The following SEMA4B variants were observed in gnomAD, a reference collection of about 807,000 sequenced individuals.
SEMA4B encodes semaphorin-4B.
A neutral mutation model predicts 88.1 loss-of-function variants in SEMA4B; 55 were observed. The ratio of observed to expected loss-of-function variants is 0.62; its 90% confidence interval spans 0.50 to 0.78. The LOEUF is 0.78. Ranked by LOEUF, SEMA4B falls within the 30% of genes least tolerant of loss-of-function variation. The pLI, the probability that SEMA4B is intolerant of heterozygous loss-of-function variation, is 0.00. For missense variants in SEMA4B, 1,062 were observed against 1,111.9 expected (o/e 0.96, Z 0.64); for synonymous variants, 525 against 473.6 (o/e 1.11, Z -1.41).
rs1555424058 is a variant in SEMA4B at position 90,225,315 on chromosome 15, GC to G, written c.1444del (p.Arg482GlyfsTer37). On this transcript the variant is annotated frameshift_variant, in exon 11 of 14. Transcript: ENST00000411539. LOFTEE classifies it high-confidence loss of function. ...CGGCTCCACAAGGCAGTGAGCGTGG[GC>G]CCCCGGGTGCACATCATTGAGGAGC... ...DGRLHKAVSV[G>X]PRVHIIEELQ... The G allele has an allele frequency of 3.8e-6, 6 of 1,558,784 alleles. No homozygotes were observed. The highest frequency in any genetic ancestry group is 2.4e-5 in the South Asian group (2 of 84,638).
rs78033954 is a variant in SEMA4B at position 90,220,222 on chromosome 15, C to G, written c.483+331C>G. ...TTCTCTTGTCTTATCTTGTACACCC[C>G]CTCCTCAGCACACACCCCTAGCAGA... On this transcript the variant is annotated intron_variant, in intron 4 of 13. Coordinates refer to ENST00000411539, the MANE Select transcript of SEMA4B (RefSeq NM_198925.4). 1.8e-3 allele frequency: 470 copies of G among 266,700 alleles called. 2 individuals are homozygous for G. The highest frequency in any genetic ancestry group is 0.015 in the East Asian group (176 of 11,780). The allele number at this position is 266,700 out of a possible 1,614,324, so 16.5% of individuals were successfully genotyped here.
chr15:90,213,941 CCTACT>C (rs1230521866), intron 1 of SEMA4B, among the ~76,000 whole-genome samples: 1 of 152,250 alleles, frequency 6.6e-6, no homozygotes, highest in African/African-American at 2.4e-5. Flanking sequence ...GACAGAAGGG[CCTACT>C]TGAGGGCCGG....
At chr15:90,187,973 C>G (rs1322345144) in intron 1 of SEMA4B, among the ~76,000 whole-genome samples, 2 of 150,092 alleles carry the variant, frequency 1.3e-5, no homozygotes, top group Non-Finnish European at 3.0e-5. Context: ...CCATTGCACT[C>G]CAGCCTGGGT....
chr15:90,223,813 G>A, intron 8 of SEMA4B, 25 bp from the exon 9 acceptor site: 1 of 1,612,430 alleles, frequency 6.2e-7, no homozygotes, highest in Non-Finnish European at 8.5e-7. Flanking sequence ...GGGCTCCTGG[G>A]TTAATCTGGT....
Position 90,201,700 on chromosome 15 carries a change from C to T in SEMA4B, c.122C>T (p.Thr41Ile). ...LLLLLQPPPPTWALSPRISLP... is the reference protein window; with the variant it reads ...LLLLLQPPPPIWALSPRISLP... ...CTCCTGCTGCAGCCGCCGCCTCCGACCTGGGCGCTCAGCCCCCGGATCAGC... is the reference window on the plus strand; with the variant it reads ...CTCCTGCTGCAGCCGCCGCCTCCGATCTGGGCGCTCAGCCCCCGGATCAGC... Residue 41 changes from threonine (T) to isoleucine (I), a missense_variant, in exon 1 of 14, where the codon ACC becomes ATC. Transcript: ENST00000411539. 1 of 1,501,772 alleles carries T rather than the reference C, an allele frequency of 6.7e-7. No homozygotes were observed. The highest frequency in any genetic ancestry group is 8.8e-7 in the Non-Finnish European group (1 of 1,131,364). 93.0% of individuals were successfully genotyped at this position (1,501,772 alleles called of 1,614,324 possible). A position where few individuals can be genotyped will look rare whatever the true frequency, so the allele number is the denominator to read the frequency against.
At chr15:90,216,925 T>C (rs893839313) in intron 1 of SEMA4B, 1 of 152,532 alleles carries the variant, frequency 6.6e-6, no homozygotes, top group Non-Finnish European at 1.5e-5. Context: ...CCACTTAACA[T>C]TTCCTTCTCT....
In SEMA4B at chr15:90,228,267, C is replaced by A. The variant is rs1014056987; in HGVS notation, c.2138C>A (p.Ser713Tyr). Residue 713 changes from serine to tyrosine, a missense_variant, in exon 14 of 14, where the codon TCC becomes TAC. Ser to Tyr is a moderately radical substitution (Grantham distance 144). Coordinates refer to ENST00000411539, the MANE Select transcript of SEMA4B (RefSeq NM_198925.4). ...GGKASWGADR[S>Y]YWKEFLVMCT... ...AAGGCCAGCTGGGGTGCAGACAGGT[C>A]CTACTGGAAGGAGTTCCTGGTGATG... 1 of 1,591,444 alleles carries A rather than the reference C, an allele frequency of 6.3e-7. No homozygotes were observed. The highest frequency in any genetic ancestry group is 1.3e-5 in the African/African-American group (1 of 74,632).
intron 1 of SEMA4B, among the ~76,000 whole-genome samples, chr15:90,203,372 A>T (rs1486669943): frequency 6.6e-6 from 1 of 151,976 alleles, no homozygotes; most frequent in African/African-American, 2.4e-5. Context: ...TTTTTGGGAG[A>T]AGGCAGGGTG....
In SEMA4B at chr15:90,203,719, A is replaced by T. The variant is rs868822304; in HGVS notation, c.157+1984A>T. ...GGGCTTGCATTTTGTGCATTGTACC[A>T]AGGTGCCCAGCTGAGGGTTGAGAGG... On this transcript the variant is annotated intron_variant, in intron 1 of 13. Coordinates refer to ENST00000411539, the MANE Select transcript of SEMA4B (RefSeq NM_198925.4). Among the ~76,000 whole-genome samples, 12 of 152,278 alleles carry T rather than the reference A, an allele frequency of 7.9e-5. 1 individual carries two copies. Among genetic ancestry groups the T allele is most frequent in the African/African-American group, 2.9e-4 (12 of 41,546 alleles).
chr15:90,200,932 C>G (rs1304938914), upstream of SEMA4B, among the ~76,000 whole-genome samples: 1 of 152,180 alleles, frequency 6.6e-6, no homozygotes, highest in Non-Finnish European at 1.5e-5. Flanking sequence ...GTCGCAGGAA[C>G]AAGGGGGTCG....
In SEMA4B at chr15:90,216,421, C is replaced by A. The variant is rs561551784; in HGVS notation, c.158-1018C>A. 5.3e-5 allele frequency among the ~76,000 whole-genome samples: 8 copies of A among 152,256 alleles called. No individual in the cohort carries two copies. The East Asian group carries it at 1.5e-3, about 29-fold the overall frequency. On this transcript the variant is annotated intron_variant, in intron 1 of 13. Coordinates refer to ENST00000411539, the MANE Select transcript of SEMA4B (RefSeq NM_198925.4). ...TCACTTCCTTTATTGGTTACCTTTG[C>A]AATATAAAACAGTACACTTGACCTG...
chr15:90,201,848 G>T, intron 1 of SEMA4B, 113 bp downstream of exon 1: 1 of 1,082,336 alleles, frequency 9.2e-7, no homozygotes, highest in Non-Finnish European at 1.2e-6. Flanking sequence ...TCGGAGGCAC[G>T]GGATCCATTA....
At chr15:90,204,489 G>C (rs1196612351) in intron 1 of SEMA4B, among the ~76,000 whole-genome samples, 2 of 152,204 alleles carry the variant, frequency 1.3e-5, no homozygotes, top group African/African-American at 4.8e-5. Context: ...CCAGTGGCCA[G>C]TAGGGAGAGG....
chr15:90,187,077 T>C (rs1282996666), intron 1 of SEMA4B, among the ~76,000 whole-genome samples: 1 of 152,252 alleles, frequency 6.6e-6, no homozygotes, highest in African/African-American at 2.4e-5. Flanking sequence ...GTCTTGTGCC[T>C]TGAGGCTCTT....
In SEMA4B at chr15:90,222,846, A is replaced by G. The variant is rs144672274; in HGVS notation, c.862-713A>G. On this transcript the variant is annotated intron_variant, in intron 7 of 13. Coordinates refer to ENST00000411539, the MANE Select transcript of SEMA4B (RefSeq NM_198925.4). ...GGTGGGCAGTGACTAAATGTGAACT[A>G]TGAATGTTATTACCCCACCACCCCA... Among the ~76,000 whole-genome samples the G allele has an allele frequency of 8.4e-3, 1,215 of 144,266 alleles. 15 individuals carry two copies. Among genetic ancestry groups the G allele is most frequent in the African/African-American group, 0.029 (1,112 of 37,948 alleles). 94.6% of individuals were successfully genotyped at this position (144,266 alleles called of 152,430 possible). A position where few individuals can be genotyped will look rare whatever the true frequency, so the allele number is the denominator to read the frequency against.
chr15:90,201,665 G>A lies in SEMA4B; in HGVS notation c.87G>A (p.Leu29=), dbSNP rs1455930651. The stretch of plus-strand genomic sequence containing the variant: ...CTCGGCCACCGCTGCTGCTGCTCCT[G>A]CTGCTGCTGCTCCTGCTGCAGCCGC... The part of the protein sequence containing the change: ...LPPRPPLLLL[L]LLLLLLQPPP... Residue 29 remains leucine (L), a synonymous_variant, in exon 1 of 14, where the codon CTG becomes CTA. Transcript: ENST00000411539. The A allele has an allele frequency of 2.0e-6, 3 of 1,505,952 alleles. No individual in the cohort carries two copies. The highest frequency in any genetic ancestry group is 1.8e-6 in the Non-Finnish European group (2 of 1,133,596). The allele number at this position is 1,505,952 out of a possible 1,614,324, so 93.3% of individuals were successfully genotyped here.
chr15:90,196,203 C>T (rs1960500916), intron 1 of SEMA4B, among the ~76,000 whole-genome samples: 1 of 151,914 alleles, frequency 6.6e-6, no homozygotes, highest in Non-Finnish European at 1.5e-5. Flanking sequence ...GCTGGGATTC[C>T]AGGCGTGAGC....
At chr15:90,199,505 G>A (rs1229976435), upstream of SEMA4B, among the ~76,000 whole-genome samples, 2 of 151,946 alleles carry the variant, frequency 1.3e-5, no homozygotes, top group Non-Finnish European at 2.9e-5. Flanking sequence ...TGTTGGGCTC[G>A]AGATGGTTTT....
chr15:90,221,569 C>T (rs763064609), intron 6 of SEMA4B, 45 bp from the exon 7 acceptor site: 1 of 1,610,868 alleles, frequency 6.2e-7, no homozygotes, highest in Non-Finnish European at 8.5e-7. Context: ...GGCCTGTCTC[C>T]AGGGTTCCTG....
Sources: gnomAD v4.1 joint callset for allele counts (sites outside exome capture counted in the v4.1 genomes callset) on GRCh38, gnomAD v4.1.1 for gene constraint, MANE v1.5 for transcripts, NCBI Gene and HGNC (gene_info 2026-07-23, HGNC 2026-07-21) for gene names.